NBAS: variants seen among roughly 807,000 people sequenced by gnomAD.
The protein encoded by NBAS is NAG/BC035112 fusion.
Under a neutral mutation model 302.5 loss-of-function variants are expected in NBAS, and 219 were observed. The observed-to-expected ratio is 0.72, with a 90% CI of 0.65 to 0.81. NBAS has a LOEUF of 0.81. Ranked by LOEUF, NBAS falls within the 30% of genes least tolerant of loss-of-function variation. NBAS has a pLI of 0.00. For synonymous variants in NBAS, 1,118 were observed against 1,021.6 expected (o/e 1.09, Z -1.80); for missense variants, 2,932 against 2,841.6 (o/e 1.03, Z -0.72).
At chr2:14,892,040 C>T in the NBAS span, among the ~76,000 whole-genome samples, 2 of 152,294 alleles carry the variant, frequency 1.3e-5, no homozygotes, top group South Asian at 4.1e-4. Flanking sequence ...TTTCCTTCCA[C>T]TGTTATTATG....
chr2:14,843,463 A>G, the NBAS span, among the ~76,000 whole-genome samples: 1 of 152,072 alleles, frequency 6.6e-6, no homozygotes, highest in Non-Finnish European at 1.5e-5. Flanking sequence ...AACAAATTCA[A>G]TAAAGTTGAG....
intron 47 of NBAS, among the ~76,000 whole-genome samples, chr2:15,231,561 A>T (rs1667383180): frequency 6.6e-6 from 1 of 152,204 alleles, no homozygotes. Flanking sequence ...TAGAAATAAT[A>T]ATCACAATAA....
At chr2:15,390,884 G>A (rs1675559189) in intron 28 of NBAS, among the ~76,000 whole-genome samples, 1 of 152,118 alleles carries the variant, frequency 6.6e-6, no homozygotes, top group Non-Finnish European at 1.5e-5. Context: ...GAAGGCCGAG[G>A]CAGGTGGATC....
the NBAS span, among the ~76,000 whole-genome samples, chr2:14,858,330 A>G: frequency 6.6e-6 from 1 of 152,164 alleles, no homozygotes; most frequent in African/African-American, 2.4e-5. Flanking sequence ...AAAAGAAAGG[A>G]AATCAGTATA....
chr2:15,201,607 TATTAG>T (rs1460746907), intron 48 of NBAS, among the ~76,000 whole-genome samples: 2 of 152,230 alleles, frequency 1.3e-5, no homozygotes, highest in African/African-American at 4.8e-5. Context: ...GAATTATTGC[TATTAG>T]ATAAGAAAAT....
At chr2:15,139,873 T>C in the NBAS span, among the ~76,000 whole-genome samples, 1 of 152,156 alleles carries the variant, frequency 6.6e-6, no homozygotes, top group East Asian at 1.9e-4. Flanking sequence ...TGGTAACAGG[T>C]TGTATTTTCA....
At chr2:14,936,286 G>T in the NBAS span, among the ~76,000 whole-genome samples, 1 of 152,102 alleles carries the variant, frequency 6.6e-6, no homozygotes, top group Non-Finnish European at 1.5e-5. Context: ...GCACAAACTG[G>T]CCCAAAGCTA....
chr2:14,848,749 C>G, the NBAS span, among the ~76,000 whole-genome samples: 1 of 151,274 alleles, frequency 6.6e-6, no homozygotes, highest in Admixed American at 6.6e-5. Flanking sequence ...CAGACTGCCT[C>G]CTCAAGTGGG....
chr2:15,267,254 T>C (rs1572557076), intron 44 of NBAS, among the ~76,000 whole-genome samples: 8 of 152,352 alleles, frequency 5.3e-5, no homozygotes, highest in Admixed American at 5.2e-4. Flanking sequence ...GGCAATCTTT[T>C]ATTTGTCTAC....
the NBAS span, among the ~76,000 whole-genome samples, chr2:14,937,736 G>C: frequency 6.6e-6 from 1 of 152,128 alleles, no homozygotes; most frequent in African/African-American, 2.4e-5. Flanking sequence ...GGGGCTCCGA[G>C]GCTTCTTGGA....
the NBAS span, among the ~76,000 whole-genome samples, chr2:14,847,382 TAAAAAAAA>T: frequency 1.9e-5 from 1 of 53,166 alleles, no homozygotes; most frequent in African/African-American, 6.7e-5. Context: ...GACTCTATCT[TAAAAAAAA>T]AAAAAAAAAA....
chr2:14,914,073 A>C, the NBAS span, among the ~76,000 whole-genome samples: 1 of 152,216 alleles, frequency 6.6e-6, no homozygotes, highest in Non-Finnish European at 1.5e-5. Flanking sequence ...ATAAAAGCCA[A>C]GCCAAAGGGG....
chr2:15,534,486 T>C (rs565280359), intron 9 of NBAS, 57 bp downstream of exon 9: 3 of 1,254,812 alleles, frequency 2.4e-6, no homozygotes, highest in Non-Finnish European at 3.5e-6. Context: ...TTCTTCTATC[T>C]GAATCTATGC....
intron 44 of NBAS, among the ~76,000 whole-genome samples, chr2:15,245,761 A>G (rs1010150577): frequency 6.6e-6 from 1 of 152,180 alleles, no homozygotes; most frequent in Non-Finnish European, 1.5e-5. Flanking sequence ...TAACTACTAG[A>G]GCACTTTAGT....
chr2:15,017,228 A>C, the NBAS span, among the ~76,000 whole-genome samples: 1 of 152,142 alleles, frequency 6.6e-6, no homozygotes, highest in Non-Finnish European at 1.5e-5. Context: ...GAAAACATAG[A>C]GGAAATACGT....
chr2:15,408,971 A>T (rs559367165), intron 25 of NBAS, among the ~76,000 whole-genome samples: 12 of 152,316 alleles, frequency 7.9e-5, no homozygotes, highest in African/African-American at 2.4e-4. Context: ...CAGAAGTTCC[A>T]GAGACCAGCC....
chr2:15,446,467 A>G (rs1415425336), intron 21 of NBAS, among the ~76,000 whole-genome samples: 1 of 152,178 alleles, frequency 6.6e-6, no homozygotes, highest in Non-Finnish European at 1.5e-5. Flanking sequence ...ATATCTTCCA[A>G]AACTAAGCAA....
At chr2:15,022,693 C>G in the NBAS span, among the ~76,000 whole-genome samples, 1 of 152,134 alleles carries the variant, frequency 6.6e-6, no homozygotes, top group Non-Finnish European at 1.5e-5. Flanking sequence ...CTCATCTCTA[C>G]AATTAACCCT....
At chr2:15,219,983 C>G (rs1308215193) in intron 47 of NBAS, among the ~76,000 whole-genome samples, 1 of 149,306 alleles carries the variant, frequency 6.7e-6, no homozygotes, top group Non-Finnish European at 1.5e-5. Context: ...GGCGGCCGGG[C>G]AGAGGCGCCC....
Sources: allele counts gnomAD v4.1 joint callset (sites outside exome capture counted in the v4.1 genomes callset), GRCh38; gene constraint gnomAD v4.1.1; transcripts MANE v1.5; gene names NCBI Gene and HGNC (gene_info 2026-07-23, HGNC 2026-07-21).